Variants in ARHGAP23 observed in about 807,000 individuals in gnomAD.
The protein encoded by ARHGAP23 is rho GTPase-activating protein 23.
In ARHGAP23, 34 loss-of-function variants were observed where a neutral mutation model predicts 136.3. The ratio of observed to expected loss-of-function variants is 0.25; its 90% CI spans 0.19 to 0.33. The LOEUF (loss-of-function observed/expected upper bound fraction) is 0.33, where lower values mean the gene tolerates loss of function less well. Ranked by LOEUF, ARHGAP23 falls within the 10% of genes least tolerant of loss-of-function variation. The pLI is 1.00. For missense variants in ARHGAP23, 1,808 were observed against 2,139.0 expected, an observed-to-expected ratio of 0.85 and a Z score of 3.05; for synonymous variants, 832 against 920.5, an observed-to-expected ratio of 0.90 and a Z score of 1.74.
chr17:38,498,527 G>C lies in ARHGAP23; in HGVS notation c.3415+17G>C. On this transcript the variant is annotated intron_variant, in intron 22 of 23. Coordinates refer to ENST00000622683, the MANE Select transcript of ARHGAP23 (RefSeq NM_001199417.2). ...CGGGGTCAGGTGAGCGCAGGGGCCT[G>C]GGAGTGGGGAGGCGGGAGGTTGGAC... The C allele has an allele frequency of 6.6e-7, 1 of 1,522,062 alleles. No individual in the cohort carries two copies. Among genetic ancestry groups the C allele is most frequent in the Non-Finnish European group, 8.8e-7 (1 of 1,130,694 alleles). 94.3% of individuals were successfully genotyped at this position (1,522,062 alleles called of 1,614,324 possible). A position where few individuals can be genotyped will look rare whatever the true frequency, so the allele number is the denominator to read the frequency against.
rs1229055362 is a variant in ARHGAP23, at chr17:38,510,362, C to T, written c.3866C>T (p.Thr1289Ile). 4 of 1,248,616 alleles carry T rather than the reference C, an allele frequency of 3.2e-6. No individual in the cohort carries two copies. The highest frequency in any genetic ancestry group is 4.0e-6 in the Non-Finnish European group (4 of 997,884). The allele number at this position is 1,248,616 out of a possible 1,614,324, so 77.3% of individuals were successfully genotyped here. The change falls in exon 24 of 24, where the codon ACT (threonine) becomes ATT (isoleucine). Residue 1289 changes from threonine to isoleucine, a missense_variant. Physicochemically the swap from Thr to Ile is moderately conservative, Grantham distance 89. Around this residue, in one of 7 missense-constraint regions of ARHGAP23, gnomAD observed 506 missense variants for 455.8 expected, o/e 1.11. Coordinates refer to ENST00000622683, the MANE Select transcript of ARHGAP23 (RefSeq NM_001199417.2). The surrounding 1 kb of genome is among the most constrained non-coding windows in gnomAD (Gnocchi z 4.6). ...RSELSHVETDTEGAAGAGPGG... is the reference protein window; with the variant it reads ...RSELSHVETDIEGAAGAGPGG... ...GAGCTGAGCCACGTGGAGACGGACA[C>T]TGAGGGCGCGGCGGGCGCGGGGCCT...
At chr17:38,430,412 C>A (rs1424851075) in intron 1 of ARHGAP23, among the ~76,000 whole-genome samples, 1 of 152,066 alleles carries the variant, frequency 6.6e-6, no homozygotes, top group Admixed American at 6.5e-5. Flanking sequence ...GCTTGTGCCC[C>A]TCTCCTCGGG....
At chr17:38,426,550 C>CAA (rs751365956), upstream of ARHGAP23, among the ~76,000 whole-genome samples, 13,614 of 51,008 alleles carry the variant, frequency 0.27, 1,861 homozygotes, top group Non-Finnish European at 0.33. Flanking sequence ...AACTCCATCT[C>CAA]AAAAAAAAAA....
rs546333860 is a variant in ARHGAP23 at position 38,498,809 on chromosome 17, T to C, written c.3415+299T>C. 1,939 of 675,380 alleles carry C rather than the reference T, an allele frequency of 2.9e-3. 13 individuals are homozygous for C. Among genetic ancestry groups the C allele is most frequent in the Middle Eastern group, 0.018 (46 of 2,604 alleles). The allele number at this position is 675,380 out of a possible 1,614,324, so 41.8% of individuals were successfully genotyped here. On this transcript the variant is annotated intron_variant, in intron 22 of 23. Coordinates refer to ENST00000622683, the MANE Select transcript of ARHGAP23 (RefSeq NM_001199417.2). ...AATTTCTCATGGGCTGGCTGTGTCCTTCTGGGCATGTTCCTCTTTTTAATT... is the reference window on the plus strand; with the variant it reads ...AATTTCTCATGGGCTGGCTGTGTCCCTCTGGGCATGTTCCTCTTTTTAATT...
At chr17:38,494,633 A>G (rs1169031222) in intron 20 of ARHGAP23, among the ~76,000 whole-genome samples, 3 of 152,246 alleles carry the variant, frequency 2.0e-5, no homozygotes, top group African/African-American at 2.4e-5. Context: ...AATAATGTTT[A>G]TCAAAGTAAG....
chr17:38,419,334 G>C (rs2038495985), exon 1 of ARHGAP23: 1 of 151,992 alleles, frequency 6.6e-6, no homozygotes, highest in African/African-American at 2.4e-5. Context: ...TGGAGGGGCC[G>C]CCTCCCCCTG....
intron 1 of ARHGAP23, 35 bp downstream of exon 1, chr17:38,428,583 G>C: frequency 7.4e-7 from 1 of 1,351,630 alleles, no homozygotes; most frequent in Non-Finnish European, 9.6e-7. Context: ...GGGCGGGGCC[G>C]GTAGCTGCTG....
chr17:38,424,546 C>T (rs907747048), upstream of ARHGAP23, among the ~76,000 whole-genome samples: 1 of 152,164 alleles, frequency 6.6e-6, no homozygotes, highest in African/African-American at 2.4e-5. Flanking sequence ...TCTCTGCCTA[C>T]CCCCAAGCCA....
Position 38,511,428 on chromosome 17 carries a change from AGAG to A in ARHGAP23, c.*461_*463del, listed in dbSNP as rs72322640. 3,435 of 159,876 alleles carry A rather than the reference AGAG, an allele frequency of 0.021. 133 individuals are homozygous for A. The highest frequency in any genetic ancestry group is 0.079 in the African/African-American group (3,297 of 41,622). 9.9% of individuals were successfully genotyped at this position (159,876 alleles called of 1,614,324 possible). On this transcript the variant is annotated 3_prime_UTR_variant, in exon 24 of 24. Transcript: ENST00000622683. ...AGCGGGGATGTGTGTATGTCTGGGG[AGAG>A]GAGGTGTAGGGTGCGTATGTCCATG...
At chr17:38,420,336 G>A (rs113374356) in intron 1 of ARHGAP23, among the ~76,000 whole-genome samples, 2,248 of 152,342 alleles carry the variant, frequency 0.015, 57 homozygotes, top group African/African-American at 0.051. Context: ...TGAGGTCTCA[G>A]GTGGGGTCTG....
Position 38,466,869 on chromosome 17 carries a change from G to T in ARHGAP23, c.1186G>T (p.Asp396Tyr). The change falls in exon 7 of 24, where the codon GAC (aspartate) becomes TAC (tyrosine). Residue 396 changes from aspartate to tyrosine, a missense_variant. Coordinates refer to ENST00000622683, the MANE Select transcript of ARHGAP23 (RefSeq NM_001199417.2). ...CCGCACCCCCGCCTGCCCAACTCGGGACCTGCCAGGGCCCCAGGCCCCACC... is the reference window on the plus strand; with the variant it reads ...CCGCACCCCCGCCTGCCCAACTCGGTACCTGCCAGGGCCCCAGGCCCCACC... ...SARTPACPTR[D>Y]LPGPQAPPPS... 1 of 1,549,690 alleles carries T rather than the reference G, an allele frequency of 6.5e-7. No individual in the cohort carries two copies. The highest frequency in any genetic ancestry group is 8.7e-7 in the Non-Finnish European group (1 of 1,146,806).
chr17:38,503,683 A>G (rs2040568932), intron 23 of ARHGAP23, among the ~76,000 whole-genome samples: 1 of 152,148 alleles, frequency 6.6e-6, no homozygotes, highest in Non-Finnish European at 1.5e-5. Context: ...TCCTCCTGAG[A>G]CGCTAGCAGT....
intron 1 of ARHGAP23, among the ~76,000 whole-genome samples, chr17:38,441,601 A>T (rs1597751490): frequency 6.6e-6 from 1 of 152,310 alleles, no homozygotes; most frequent in East Asian, 1.9e-4. Context: ...GAGGTGGCCG[A>T]GAGTCTGGGC....
rs112911805 is a variant in ARHGAP23, at chr17:38,455,086, T to C, written c.64-3016T>C. On this transcript the variant is annotated intron_variant, in intron 1 of 23. Transcript: ENST00000622683. ...GAGCTGTGCACCTTTCTAGTTGTTA[T>C]CAATGGCTCCTTCTGTGGTTTTTGC... is the stretch of plus-strand genomic sequence containing the variant. Among the ~76,000 whole-genome samples, 246 of 152,318 alleles carry C rather than the reference T, an allele frequency of 1.6e-3. 2 individuals are homozygous for C. The highest frequency in any genetic ancestry group is 5.4e-3 in the African/African-American group (223 of 41,558).
chr17:38,427,575 G>A (rs2038588196), upstream of ARHGAP23, among the ~76,000 whole-genome samples: 1 of 152,240 alleles, frequency 6.6e-6, no homozygotes, highest in African/African-American at 2.4e-5. Flanking sequence ...TCAGGACCAG[G>A]GCATCTCTTT....
chr17:38,485,864 G>A (rs941771682), intron 16 of ARHGAP23, among the ~76,000 whole-genome samples, 198 bp from the exon 17 acceptor site: 4 of 152,228 alleles, frequency 2.6e-5, no homozygotes, highest in Non-Finnish European at 4.4e-5. Context: ...GGGAGGGGCT[G>A]GGGCCAAGTG....
intron 20 of ARHGAP23, among the ~76,000 whole-genome samples, chr17:38,493,192 C>T (rs570918099): frequency 1.4e-5 from 2 of 139,158 alleles, no homozygotes; most frequent in South Asian, 4.9e-4. Context: ...TCTCTCTTTT[C>T]GCTTTTTTTT....
intron 19 of ARHGAP23, 97 bp from the exon 20 acceptor site, chr17:38,491,310 T>C: frequency 6.7e-7 from 1 of 1,485,912 alleles, no homozygotes; most frequent in Non-Finnish European, 9.1e-7. Context: ...AGCTGGGGAC[T>C]GGTGAGGATG....
At chr17:38,461,137 G>C (rs779236598) in intron 3 of ARHGAP23, among the ~76,000 whole-genome samples, 3 of 152,008 alleles carry the variant, frequency 2.0e-5, no homozygotes, top group Non-Finnish European at 4.4e-5. Context: ...CTTTCTTTTC[G>C]CACATTTGTC....
Sources: gnomAD v4.1 joint callset for allele counts (sites outside exome capture counted in the v4.1 genomes callset) on GRCh38, gnomAD v4.1.1 for gene constraint, gnomAD v4.1.1 regional missense constraint, Gnocchi (gnomAD v3.1) non-coding constraint, MANE v1.5 for transcripts, NCBI Gene and HGNC (gene_info 2026-07-23, HGNC 2026-07-21) for gene names.